Variants in HVCN1 observed in about 807,000 individuals in gnomAD.
HVCN1 encodes the protein hydrogen voltage gated channel 1.
A neutral mutation model predicts 29.2 loss-of-function variants in HVCN1; 14 were observed. The observed-to-expected ratio is 0.48, with a 90% CI of 0.32 to 0.75. The LOEUF (loss-of-function observed/expected upper bound fraction) is 0.75. HVCN1 is among the 30% of genes least tolerant of loss of function. The pLI is 0.04. For synonymous variants in HVCN1, 131 were observed against 133.2 expected, an observed-to-expected ratio of 0.98 and a Z score of 0.11; for missense variants, 263 against 341.8, an observed-to-expected ratio of 0.77 and a Z score of 1.82.
intron 3 of HVCN1, among the ~76,000 whole-genome samples, chr12:110,665,934 A>C (rs2068330835): frequency 6.6e-6 from 1 of 151,382 alleles, no homozygotes; most frequent in Admixed American, 6.6e-5. Context: ...TGAACCCGGG[A>C]GGTGGAGGTT....
Position 110,689,002 on chromosome 12 carries a change from A to T in HVCN1, c.-104+78T>A, listed in dbSNP as rs2136484127. The T allele has an allele frequency of 6.6e-6, 1 of 152,550 alleles. No individual in the cohort carries two copies. Among genetic ancestry groups the T allele is most frequent in the East Asian group, 1.9e-4 (1 of 5,174 alleles). The allele number at this position is 152,550 out of a possible 1,614,324, so 9.4% of individuals were successfully genotyped here. On this transcript the variant is annotated intron_variant, in intron 1 of 7. Transcript: ENST00000242607. This position sits in a 1 kb window ranked among gnomAD's most constrained non-coding sequence, Gnocchi z 5.7. ...CGGGGGGGGGTCCCCTCTTCTCGGAAGGATCGGGCACTGGGGGTCTTGTAG... is the reference window on the plus strand; with the variant it reads ...CGGGGGGGGGTCCCCTCTTCTCGGATGGATCGGGCACTGGGGGTCTTGTAG...
intron 3 of HVCN1, among the ~76,000 whole-genome samples, chr12:110,667,266 C>G (rs1329978507): frequency 1.3e-5 from 2 of 152,176 alleles, no homozygotes; most frequent in African/African-American, 2.4e-5. Context: ...TCCCGAGTAG[C>G]TTGGATTACA....
rs1173462468 is a variant in HVCN1, at chr12:110,687,259, C to T, written c.-20+1366G>A. On this transcript the variant is annotated intron_variant, in intron 2 of 7. Transcript: ENST00000242607. ...AGGAAATATACAAGACAGACCACAC[C>T]CCCCCCCCCCAGCTAAGCACTGGGA... Among the ~76,000 whole-genome samples, 3 of 105,276 alleles carry T rather than the reference C, an allele frequency of 2.8e-5. No homozygotes were observed. The South Asian group carries it at 8.7e-4, about 30-fold the overall frequency. 69.1% of individuals were successfully genotyped at this position (105,276 alleles called of 152,430 possible). A position where few individuals can be genotyped will look rare whatever the true frequency, so the allele number is the denominator to read the frequency against.
At chr12:110,662,917 A>G (rs901620162) in intron 3 of HVCN1, among the ~76,000 whole-genome samples, 1 of 152,218 alleles carries the variant, frequency 6.6e-6, no homozygotes, top group Non-Finnish European at 1.5e-5. Context: ...AAGAGAAAGA[A>G]AAACTCCATG....
rs561995739 is a variant in HVCN1 at position 110,661,877 on chromosome 12, C to A, written c.22-429G>T. Among the ~76,000 whole-genome samples the A allele has an allele frequency of 1.3e-5, 2 of 152,096 alleles. No individual in the cohort carries two copies. The highest frequency in any genetic ancestry group is 2.9e-5 in the Non-Finnish European group (2 of 68,018). On this transcript the variant is annotated intron_variant, in intron 3 of 7. Transcript: ENST00000242607. The surrounding 1 kb of genome is among the most constrained non-coding windows in gnomAD (Gnocchi z 6.2). The stretch of plus-strand genomic sequence containing the variant: ...TACCCAGAGTTTCATAGAAAAGTCA[C>A]GAGATCCCCACCCATCACGCCACAC...
intron 4 of HVCN1, among the ~76,000 whole-genome samples, chr12:110,659,132 T>C (rs1452676764): frequency 1.3e-5 from 2 of 152,216 alleles, no homozygotes; most frequent in Non-Finnish European, 2.9e-5. Flanking sequence ...GTCAGCTGGC[T>C]TGCTTTGCTG....
upstream of HVCN1, among the ~76,000 whole-genome samples, chr12:110,693,762 A>G (rs181608910): frequency 1.3e-5 from 2 of 152,360 alleles, no homozygotes; most frequent in East Asian, 1.9e-4. Context: ...AAAAAATTCA[A>G]AACTTCAATG....
intron 2 of HVCN1, among the ~76,000 whole-genome samples, chr12:110,695,028 A>G (rs1472167667): frequency 6.6e-6 from 1 of 152,250 alleles, no homozygotes; most frequent in Non-Finnish European, 1.5e-5. Context: ...GAGTTGAGTA[A>G]GACAGGCAGG....
At chr12:110,650,137 G>T (rs1299153445) in intron 7 of HVCN1, 31 bp downstream of exon 7, 2 of 1,449,836 alleles carry the variant, frequency 1.4e-6, no homozygotes, top group South Asian at 2.3e-5. Context: ...GAGCCACCAC[G>T]CCTGGTCCCC....
At chr12:110,673,023 A>G (rs909235684) in intron 3 of HVCN1, among the ~76,000 whole-genome samples, 2 of 152,170 alleles carry the variant, frequency 1.3e-5, no homozygotes, top group Non-Finnish European at 2.9e-5. Context: ...ATGTGGAACC[A>G]ACTTTGGAAC....
At chr12:110,699,209 G>C (rs901096458) in intron 2 of HVCN1, among the ~76,000 whole-genome samples, 1 of 152,194 alleles carries the variant, frequency 6.6e-6, no homozygotes, top group Non-Finnish European at 1.5e-5. Flanking sequence ...GCTGGGCTTT[G>C]CTGGGTCTTG....
chr12:110,662,160 A>G (rs2068197713), intron 3 of HVCN1, among the ~76,000 whole-genome samples: 1 of 152,172 alleles, frequency 6.6e-6, no homozygotes, highest in Admixed American at 6.5e-5. Flanking sequence ...AGGGAGCCTA[A>G]AGGAGATGGG....
chr12:110,701,270 G>A (rs1379663268), intron 2 of HVCN1, among the ~76,000 whole-genome samples: 1 of 152,186 alleles, frequency 6.6e-6, no homozygotes, highest in Non-Finnish European at 1.5e-5. Flanking sequence ...CATCTAGAGG[G>A]AGCTGGGGAA....
intron 3 of HVCN1, chr12:110,682,638 C>G (rs958527021): frequency 4.5e-5 from 7 of 155,934 alleles, no homozygotes; most frequent in African/African-American, 1.7e-4. Context: ...GACAATCCTG[C>G]AAGGGCAGGG....
intron 5 of HVCN1, among the ~76,000 whole-genome samples, chr12:110,652,532 G>T (rs1204780530): frequency 1.3e-5 from 2 of 152,184 alleles, no homozygotes; most frequent in Non-Finnish European, 2.9e-5. Context: ...CATGTCAACA[G>T]GACCCAGCAG....
chr12:110,672,852 C>T (rs960630753), intron 3 of HVCN1, among the ~76,000 whole-genome samples: 5 of 152,182 alleles, frequency 3.3e-5, no homozygotes, highest in African/African-American at 1.2e-4. Flanking sequence ...TGCCTTTCGC[C>T]TCCTGCCATA....
At chr12:110,674,538 A>T (rs926146194) in intron 3 of HVCN1, among the ~76,000 whole-genome samples, 1 of 152,172 alleles carries the variant, frequency 6.6e-6, no homozygotes, top group Admixed American at 6.5e-5. Context: ...AACTTGAATT[A>T]TATCTTCCAG....
chr12:110,701,749 G>A (rs1253081338), intron 2 of HVCN1, among the ~76,000 whole-genome samples: 1 of 151,458 alleles, frequency 6.6e-6, no homozygotes, highest in South Asian at 2.1e-4. Flanking sequence ...TCCAGCTACT[G>A]GGGAGGCTGA....
chr12:110,655,286 A>G lies in HVCN1; in HGVS notation c.359T>C (p.Leu120Pro). The G allele has an allele frequency of 1.2e-6, 2 of 1,613,842 alleles. No homozygotes were observed. Among genetic ancestry groups the G allele is most frequent in the Non-Finnish European group, 1.7e-6 (2 of 1,179,934 alleles). ...CTGGATGATCTTCAGGTCCAGGATG[A>G]GCTCAGCAAGCACCAGGAGGGCATC... ...VLDALLVLAE[L>P]ILDLKIIQPD... The change falls in exon 5 of 8, where the codon CTC becomes CCC. Residue 120 changes from leucine (L) to proline (P), a missense_variant. By Grantham distance (98) the Leu-to-Pro change is moderately conservative. Coordinates refer to ENST00000242607, the MANE Select transcript of HVCN1 (RefSeq NM_032369.4).
Sources: gnomAD v4.1 joint callset for allele counts (sites outside exome capture counted in the v4.1 genomes callset) on GRCh38, gnomAD v4.1.1 for gene constraint, Gnocchi (gnomAD v3.1) non-coding constraint, MANE v1.5 for transcripts, NCBI Gene and HGNC (gene_info 2026-07-23, HGNC 2026-07-21) for gene names.